The following PARK7 variants were observed in gnomAD, a reference collection of about 807,000 sequenced individuals.
PARK7 encodes Parkinson disease protein 7.
Under a neutral mutation model 20.5 loss-of-function variants are expected in PARK7, and 14 were observed. The observed-to-expected ratio is 0.68, with a 90% CI of 0.45 to 1.07. The LOEUF (loss-of-function observed/expected upper bound fraction) is 1.07. Among genes scored for constraint, PARK7 ranks in the 50% least tolerant of loss-of-function variants. PARK7 has a pLI of 0.00. For missense variants in PARK7, 234 were observed against 238.1 expected (o/e 0.98, Z 0.11); for synonymous variants, 98 against 84.3 (o/e 1.16, Z -0.89).
chr1:7,968,626 C>T (rs1459944917), intron 3 of PARK7, among the ~76,000 whole-genome samples: 1 of 152,066 alleles, frequency 6.6e-6, no homozygotes, highest in Non-Finnish European at 1.5e-5. Context: ...AGCGATTCTC[C>T]TGCCTCAACC....
At chr1:7,971,024 G>C (rs369460164) in intron 5 of PARK7, 61 bp downstream of exon 5, 21 of 1,548,108 alleles carry the variant, frequency 1.4e-5, no homozygotes, top group Non-Finnish European at 1.8e-5. Flanking sequence ...CCTTTCATTC[G>C]ATGGTTTGAT....
chr1:7,969,495 GTTA>G (rs1296738150), intron 4 of PARK7, 91 bp downstream of exon 4: 19 of 927,194 alleles, frequency 2.0e-5, no homozygotes, highest in Admixed American at 6.7e-5. Flanking sequence ...TGTTAATTTT[GTTA>G]TTATTCAAAT....
At chr1:7,978,429 G>T (rs1486148660) in intron 6 of PARK7, among the ~76,000 whole-genome samples, 5 of 139,502 alleles carry the variant, frequency 3.6e-5, no homozygotes, top group Non-Finnish European at 6.1e-5. Flanking sequence ...CTCTCGCTCT[G>T]TTGCCCAGGC....
At chr1:7,968,775 C>T (rs1046774692) in intron 3 of PARK7, among the ~76,000 whole-genome samples, 1 of 152,162 alleles carries the variant, frequency 6.6e-6, no homozygotes, top group Non-Finnish European at 1.5e-5. Context: ...CCTTGGCCTC[C>T]CAAAGTGCTG....
chr1:7,975,445 A>G (rs572176554), intron 5 of PARK7, among the ~76,000 whole-genome samples: 1 of 152,212 alleles, frequency 6.6e-6, no homozygotes, highest in East Asian at 1.9e-4. Flanking sequence ...TTTGCATGTT[A>G]CCACAGGGTG....
At chr1:7,983,601 C>T (rs1244264661) in intron 6 of PARK7, among the ~76,000 whole-genome samples, 3 of 152,250 alleles carry the variant, frequency 2.0e-5, no homozygotes, top group Admixed American at 1.3e-4. Flanking sequence ...GGCCCCGTGA[C>T]ATGGAGTTCA....
intron 3 of PARK7, 145 bp from the exon 4 acceptor site, chr1:7,969,200 C>A: frequency 4.5e-6 from 3 of 663,250 alleles, no homozygotes; most frequent in South Asian, 2.0e-5. Flanking sequence ...GTGGATACAC[C>A]TTAATTTATT....
rs1312031254 is a variant in PARK7 at position 7,969,394 on chromosome 1, A to G, written c.242A>G (p.Asn81Ser). The change falls in exon 4 of 7, where the codon AAT (asparagine) becomes AGT (serine). Residue 81 changes from asparagine to serine, a missense_variant. Transcript: ENST00000338639. ...VLPGGNLGAQ[N>S]LSESAAVKEI... ...CCAGGAGGTAATCTGGGCGCACAGA[A>G]TTTATCTGAGGTAAAAAATTCTACT... 6.3e-7 allele frequency: 1 copy of G among 1,594,830 alleles called. No homozygotes were observed. The highest frequency in any genetic ancestry group is 1.3e-5 in the African/African-American group (1 of 74,702).
At chr1:7,966,979 C>T (rs888971701) in intron 3 of PARK7, among the ~76,000 whole-genome samples, 3 of 152,314 alleles carry the variant, frequency 2.0e-5, no homozygotes, top group South Asian at 4.1e-4. Flanking sequence ...TAACTATAGT[C>T]ATTCTACGGG....
rs186177813 is a variant in PARK7 at position 7,973,583 on chromosome 1, G to A, written c.322+2620G>A. Among the ~76,000 whole-genome samples, 20 of 152,198 alleles carry A rather than the reference G, an allele frequency of 1.3e-4. No individual in the cohort carries two copies. The East Asian group carries it at 1.5e-3, about 12-fold the overall frequency. Reference sequence around the variant, plus strand: ...ACAGAAATTAGCCAGGCGTGGTGGCGCGTGCCTGTAATCCCAGCTGCTTGG... The same window carrying A: ...ACAGAAATTAGCCAGGCGTGGTGGCACGTGCCTGTAATCCCAGCTGCTTGG... On this transcript the variant is annotated intron_variant, in intron 5 of 6. Coordinates refer to ENST00000338639, the MANE Select transcript of PARK7 (RefSeq NM_007262.5).
chr1:7,971,084 G>T, intron 5 of PARK7, 121 bp downstream of exon 5: 1 of 1,109,706 alleles, frequency 9.0e-7, no homozygotes, highest in South Asian at 1.3e-5. Flanking sequence ...CTGTGTTGGT[G>T]TATTTAGTTT....
chr1:7,971,053 T>G, intron 5 of PARK7, 90 bp downstream of exon 5: 1 of 1,381,798 alleles, frequency 7.2e-7, no homozygotes, highest in Non-Finnish European at 1.0e-6. Flanking sequence ...GCTCTTCCCC[T>G]TCATAAAGCA....
At chr1:7,968,581 C>G (rs1640381774) in intron 3 of PARK7, among the ~76,000 whole-genome samples, 1 of 151,854 alleles carries the variant, frequency 6.6e-6, no homozygotes, top group Non-Finnish European at 1.5e-5. Flanking sequence ...GGTGGTGCAG[C>G]CTCAGCTCAC....
intron 3 of PARK7, among the ~76,000 whole-genome samples, chr1:7,966,627 G>A (rs575168609): frequency 1.3e-5 from 2 of 152,172 alleles, no homozygotes; most frequent in South Asian, 2.1e-4. Flanking sequence ...GAGCCTAGAC[G>A]GTTGCTTGAG....
At chr1:7,980,581 C>T (rs944073390) in intron 6 of PARK7, among the ~76,000 whole-genome samples, 3 of 152,228 alleles carry the variant, frequency 2.0e-5, no homozygotes, top group African/African-American at 4.8e-5. Flanking sequence ...GCCCAGCCCT[C>T]TGCCTTGCAT....
intron 2 of PARK7, among the ~76,000 whole-genome samples, chr1:7,963,265 T>C (rs1308426536): frequency 1.3e-5 from 2 of 152,180 alleles, no homozygotes. Context: ...GGTTTTGCCA[T>C]GTTGCCCAGG....
At chr1:7,962,350 A>G (rs891369751) in intron 1 of PARK7, among the ~76,000 whole-genome samples, 4 of 152,224 alleles carry the variant, frequency 2.6e-5, no homozygotes, top group African/African-American at 9.6e-5. Flanking sequence ...GACCACATTT[A>G]AATTTTTGCC....
At chr1:7,967,064 C>T (rs1436191873) in intron 3 of PARK7, among the ~76,000 whole-genome samples, 1 of 152,216 alleles carries the variant, frequency 6.6e-6, no homozygotes, top group Admixed American at 6.5e-5. Flanking sequence ...TCCCTATCCC[C>T]ACTTTCTCCT....
rs150374865 is a variant in PARK7 at position 7,967,551 on chromosome 1, A to G, written c.193-1794A>G. Reference sequence around the variant, plus strand: ...TTCTAAAAGGAGTAAAATAAATTCTATACTTTACACATTTTCTTTTGAGTT... The same window carrying G: ...TTCTAAAAGGAGTAAAATAAATTCTGTACTTTACACATTTTCTTTTGAGTT... On this transcript the variant is annotated intron_variant, in intron 3 of 6. Transcript: ENST00000338639. Among the ~76,000 whole-genome samples, 161 of 152,286 alleles carry G rather than the reference A, an allele frequency of 1.1e-3. 3 individuals are homozygous for G. Among genetic ancestry groups the G allele is most frequent in the Admixed American group, 1.2e-3 (19 of 15,278 alleles).
Sources: allele counts gnomAD v4.1 joint callset (sites outside exome capture counted in the v4.1 genomes callset), GRCh38; gene constraint gnomAD v4.1.1; transcripts MANE v1.5; gene names NCBI Gene and HGNC (gene_info 2026-07-23, HGNC 2026-07-21).